The following DOCK8 variants were observed in gnomAD, a reference collection of about 807,000 sequenced individuals.
DOCK8 encodes dedicator of cytokinesis protein 8.
DOCK8 carries 141 observed loss-of-function variants against 245.6 expected under a neutral mutation model. The observed-to-expected ratio is 0.57, with a 90% CI of 0.50 to 0.66. The LOEUF (loss-of-function observed/expected upper bound fraction) is 0.66. DOCK8 is among the 30% of genes least tolerant of loss of function. The pLI, the probability that DOCK8 is intolerant of heterozygous loss-of-function variation, is 0.00. For missense variants in DOCK8, 2,965 were observed against 2,603.4 expected (o/e 1.14, Z -3.02); for synonymous variants, 1,168 against 970.2 (o/e 1.20, Z -3.79).
rs1162165288 is a variant in DOCK8 at position 441,376 on chromosome 9, C to T, written c.5314C>T (p.His1772Tyr). ...HREFRKLTLT[H>Y]SKLQRAFDSI... ...AGAATTCCGGAAGCTGACACTCACTCACAGCAAGCTGCAGAGAGCCTTCGA... is the reference window on the plus strand; with the variant it reads ...AGAATTCCGGAAGCTGACACTCACTTACAGCAAGCTGCAGAGAGCCTTCGA... Residue 1772 changes from histidine (H) to tyrosine (Y), a missense_variant, in exon 41 of 48, where the codon CAC (histidine) becomes TAC (tyrosine). This residue lies in a region of DOCK8 where 2,825 missense variants were observed against 2,453.5 expected (regional missense o/e 1.15). Transcript: ENST00000432829. The T allele has an allele frequency of 1.9e-6, 3 of 1,614,092 alleles. No homozygotes were observed. Among genetic ancestry groups the T allele is most frequent in the African/African-American group, 1.3e-5 (1 of 74,942 alleles).
chr9:444,940 A>G (rs534788398), intron 43 of DOCK8, among the ~76,000 whole-genome samples: 3 of 152,346 alleles, frequency 2.0e-5, no homozygotes, highest in African/African-American at 7.2e-5. Flanking sequence ...ACCATTCACC[A>G]TCTAGCAAAC....
intron 3 of DOCK8, 144 bp from the exon 4 acceptor site, chr9:289,366 C>T (rs1425805284): frequency 1.7e-5 from 12 of 702,178 alleles, no homozygotes; most frequent in Non-Finnish European, 2.8e-5. Flanking sequence ...ATACTTCAGA[C>T]ATTTGGAATG....
chr9:312,277 C>G (rs1305301993), intron 6 of DOCK8, 111 bp downstream of exon 6: 5 of 1,307,198 alleles, frequency 3.8e-6, no homozygotes, highest in African/African-American at 2.9e-5. Flanking sequence ...TCAGGGCTCA[C>G]TTGTATGATT....
intron 25 of DOCK8, 79 bp from the exon 26 acceptor site, chr9:399,067 C>T: frequency 7.4e-7 from 1 of 1,346,748 alleles, no homozygotes; most frequent in Non-Finnish European, 1.1e-6. Context: ...CCTGTCTCTC[C>T]CAATGTTCCC....
At chr9:280,564 G>A (rs1339210641) in intron 2 of DOCK8, among the ~76,000 whole-genome samples, 1 of 152,234 alleles carries the variant, frequency 6.6e-6, no homozygotes, top group Non-Finnish European at 1.5e-5. Context: ...GAAGCCTGGA[G>A]TCTGAACTGC....
intron 1 of DOCK8, among the ~76,000 whole-genome samples, chr9:228,668 A>G (rs1166659663): frequency 6.6e-6 from 1 of 152,132 alleles, no homozygotes; most frequent in Non-Finnish European, 1.5e-5. Context: ...GTTTTACGCT[A>G]TCCAGTTTGT....
intron 26 of DOCK8, among the ~76,000 whole-genome samples, chr9:403,185 A>T (rs553839101): frequency 6.6e-6 from 1 of 152,338 alleles, no homozygotes; most frequent in South Asian, 2.1e-4. Context: ...CACCACACCC[A>T]GCCTGAAATG....
intron 2 of DOCK8, among the ~76,000 whole-genome samples, chr9:274,404 T>G (rs1159177887): frequency 6.6e-6 from 1 of 152,122 alleles, no homozygotes; most frequent in African/African-American, 2.4e-5. Flanking sequence ...AACTTCAGTA[T>G]ATGGCTCTTG....
At chr9:268,144 T>C (rs990953553) in intron 1 of DOCK8, 10 of 152,206 alleles carry the variant, frequency 6.6e-5, no homozygotes, top group African/African-American at 2.2e-4. Context: ...TATTTTGAAG[T>C]TCTTCAAATG....
Position 428,510 on chromosome 9 carries a change from G to A in DOCK8, c.4473+14G>A, listed in dbSNP as rs1367352837. 7.4e-6 allele frequency: 12 copies of A among 1,613,952 alleles called. No individual in the cohort carries two copies. In the African/African-American group the frequency reaches 1.6e-4, roughly 22 times the overall value. On this transcript the variant is annotated intron_variant, in intron 35 of 47. Coordinates refer to ENST00000432829, the MANE Select transcript of DOCK8 (RefSeq NM_203447.4). ...CTCATCGCCAAGGTAAACTTGGGATGCTTGTTTTCTTCCTCTTAATTAAGA... is the reference window on the plus strand; with the variant it reads ...CTCATCGCCAAGGTAAACTTGGGATACTTGTTTTCTTCCTCTTAATTAAGA...
At position 233,303 on chromosome 9, in the gene DOCK8, T is replaced by A. The variant is rs934180207; in HGVS notation, c.53+18274T>A. Among the ~76,000 whole-genome samples, 99 of 152,126 alleles carry A rather than the reference T, an allele frequency of 6.5e-4. No individual in the cohort carries two copies. In the South Asian group the frequency reaches 0.018, roughly 28 times the overall value. On this transcript the variant is annotated intron_variant, in intron 1 of 47. Coordinates refer to ENST00000432829, the MANE Select transcript of DOCK8 (RefSeq NM_203447.4). ...CTGTTCTTTTACATTTGCTGAGGAG[T>A]GCTTTACTGCCAACTATGTGGTCAA... is the stretch of plus-strand genomic sequence containing the variant.
intron 1 of DOCK8, among the ~76,000 whole-genome samples, chr9:226,808 T>C (rs957590829): frequency 2.6e-5 from 4 of 152,136 alleles, no homozygotes; most frequent in African/African-American, 9.7e-5. Flanking sequence ...TATTTAGGAA[T>C]CTGAAACTCA....
At chr9:325,812 T>G in intron 8 of DOCK8, 75 bp downstream of exon 8, 1 of 1,208,978 alleles carries the variant, frequency 8.3e-7, no homozygotes, top group Non-Finnish European at 1.1e-6. Flanking sequence ...GTTTTTAAAT[T>G]TCTTTGCAGC....
At chr9:392,137 TAA>T (rs79584385) in intron 24 of DOCK8, among the ~76,000 whole-genome samples, 50 of 124,578 alleles carry the variant, frequency 4.0e-4, no homozygotes, top group Admixed American at 4.8e-4. Flanking sequence ...AAACTCCATC[TAA>T]AAAAAAAAAA....
At chr9:226,940 T>C (rs185004559) in intron 1 of DOCK8, among the ~76,000 whole-genome samples, 1 of 152,324 alleles carries the variant, frequency 6.6e-6, no homozygotes, top group East Asian at 1.9e-4. Context: ...GCTATATGCG[T>C]AATATGGTAT....
chr9:233,061 G>T (rs372902818), intron 1 of DOCK8, among the ~76,000 whole-genome samples: 19 of 152,248 alleles, frequency 1.2e-4, no homozygotes, highest in East Asian at 5.8e-4. Flanking sequence ...TCTACACACT[G>T]CTTTGAATGT....
intron 46 of DOCK8, among the ~76,000 whole-genome samples, chr9:457,579 G>A (rs973318354): frequency 1.3e-5 from 2 of 152,210 alleles, no homozygotes; most frequent in African/African-American, 4.8e-5. Flanking sequence ...ATGCTGATGA[G>A]ACATTGGCCT....
At chr9:368,317 G>A (rs1476541946) in intron 15 of DOCK8, 182 bp downstream of exon 15, 13 of 743,206 alleles carry the variant, frequency 1.7e-5, no homozygotes, top group African/African-American at 1.6e-4. Flanking sequence ...CTTACTTGAC[G>A]ATCTCTTTCT....
intron 28 of DOCK8, among the ~76,000 whole-genome samples, chr9:407,658 T>C (rs1400965172): frequency 6.6e-6 from 1 of 152,154 alleles, no homozygotes; most frequent in Non-Finnish European, 1.5e-5. Context: ...CCTTCTTTCC[T>C]TCTCTCCCTA....
Sources: gnomAD v4.1 joint callset for allele counts (sites outside exome capture counted in the v4.1 genomes callset) on GRCh38, gnomAD v4.1.1 for gene constraint, gnomAD v4.1.1 regional missense constraint, MANE v1.5 for transcripts, NCBI Gene and HGNC (gene_info 2026-07-23, HGNC 2026-07-21) for gene names.